Variants in PCDH15 observed in about 807,000 individuals in gnomAD.
PCDH15 encodes the protein protocadherin related 15, also known as protocadherin-15.
Under a neutral mutation model 178.5 loss-of-function variants are expected in PCDH15, and 129 were observed. The ratio of observed to expected loss-of-function variants is 0.72; its 90% CI spans 0.63 to 0.84. The LOEUF is 0.84. PCDH15 is among the 40% of genes least tolerant of loss of function. The probability of loss-of-function intolerance (pLI) is 0.00; values close to 1 mark genes in which losing one functional copy is unlikely to be tolerated. For missense variants in PCDH15, 2,230 were observed against 2,099.9 expected, an observed-to-expected ratio of 1.06 and a Z score of -1.21; for synonymous variants, 800 against 732.0, an observed-to-expected ratio of 1.09 and a Z score of -1.50.
At chr10:55,508,960 A>G (rs560228214) in intron 2 of PCDH15, among the ~76,000 whole-genome samples, 1 of 151,914 alleles carries the variant, frequency 6.6e-6, no homozygotes, top group South Asian at 2.1e-4. Context: ...AAAGCAAAAC[A>G]AAACAAAACA....
At chr10:54,957,744 A>G (rs536352648) in intron 2 of PCDH15, among the ~76,000 whole-genome samples, 10 of 151,744 alleles carry the variant, frequency 6.6e-5, no homozygotes, top group Admixed American at 4.6e-4. Flanking sequence ...ATCAGAAGCC[A>G]TTTTAAGCTT....
At position 54,738,785 on chromosome 10, in the gene PCDH15, T is replaced by C. The variant is rs189726353; in HGVS notation, c.-29+62140A>G. On this transcript the variant is annotated intron_variant, in intron 1 of 37. Coordinates refer to ENST00000644397, the MANE Select transcript of PCDH15 (RefSeq NM_001384140.1). ...AATAAACATGATACATCATAACATA[T>C]GATCATTTCAATAGATGCTGAAAAG... 5.9e-5 allele frequency among the ~76,000 whole-genome samples: 9 copies of C among 152,164 alleles called. No individual in the cohort carries two copies. In the East Asian group the frequency reaches 1.4e-3, roughly 23 times the overall value.
chr10:53,808,045 G>A (rs923184660), intron 37 of PCDH15: 1 of 151,240 alleles, frequency 6.6e-6, no homozygotes, highest in Non-Finnish European at 1.5e-5. Context: ...AAAATTTTAT[G>A]CCTGTTACAT....
intron 3 of PCDH15, among the ~76,000 whole-genome samples, chr10:54,827,509 A>T (rs946460986): frequency 1.3e-5 from 2 of 152,018 alleles, no homozygotes; most frequent in Admixed American, 6.6e-5. Flanking sequence ...TTTTAATTTT[A>T]ATTATTTTCA....
At chr10:54,305,211 A>G (rs1365848328) in intron 8 of PCDH15, among the ~76,000 whole-genome samples, 2 of 152,014 alleles carry the variant, frequency 1.3e-5, no homozygotes, top group Non-Finnish European at 2.9e-5. Flanking sequence ...CATGTCCTTC[A>G]TTATTTGTTT....
chr10:54,369,714 A>G (rs1947354330), intron 4 of PCDH15, among the ~76,000 whole-genome samples: 1 of 152,040 alleles, frequency 6.6e-6, no homozygotes, highest in African/African-American at 2.4e-5. Context: ...TTGCTGATCA[A>G]ATTAAAAATA....
intron 3 of PCDH15, among the ~76,000 whole-genome samples, chr10:54,872,214 TTTGC>T (rs1954051940): frequency 1.3e-5 from 2 of 151,986 alleles, no homozygotes; most frequent in African/African-American, 4.8e-5. Context: ...ATTATAAATG[TTTGC>T]TTCATATGGC....
chr10:55,349,513 C>A (rs957238556), intron 2 of PCDH15, among the ~76,000 whole-genome samples: 1 of 151,974 alleles, frequency 6.6e-6, no homozygotes, highest in Non-Finnish European at 1.5e-5. Context: ...ACCATGGATA[C>A]ATCAATAGAT....
At chr10:53,832,965 T>A (rs1424306056) in intron 29 of PCDH15, among the ~76,000 whole-genome samples, 1 of 152,010 alleles carries the variant, frequency 6.6e-6, no homozygotes, top group African/African-American at 2.4e-5. Flanking sequence ...CTTTTATAGA[T>A]TAAAAATGTA....
intron 8 of PCDH15, among the ~76,000 whole-genome samples, chr10:54,279,721 A>T (rs1216909860): frequency 6.6e-6 from 1 of 151,710 alleles, no homozygotes; most frequent in East Asian, 1.9e-4. Context: ...TGCCCTTCTT[A>T]AAGCAGTCTC....
In PCDH15 at chr10:55,032,710, C is replaced by T. The variant is rs180742557; in HGVS notation, c.-80+133866G>A. 1.3e-4 allele frequency among the ~76,000 whole-genome samples: 20 copies of T among 152,226 alleles called. No individual in the cohort carries two copies. The East Asian group carries it at 3.1e-3, about 24-fold the overall frequency. ...AGATAAGGAGACTAGTTTGGATAGA[C>T]GGGTGCCAGGTGCTATTCATCAAGA... On this transcript the variant is annotated intron_variant, in intron 2 of 5. Transcript: ENST00000458638.
chr10:54,962,520 T>C (rs779429809), intron 2 of PCDH15, among the ~76,000 whole-genome samples: 8 of 152,232 alleles, frequency 5.3e-5, no homozygotes, highest in Admixed American at 1.3e-4. Context: ...TGTGACACTT[T>C]TGGGGGCTCT....
At chr10:55,403,891 C>G (rs1354559527) in intron 2 of PCDH15, among the ~76,000 whole-genome samples, 2 of 151,948 alleles carry the variant, frequency 1.3e-5, no homozygotes, top group East Asian at 1.9e-4. Flanking sequence ...CAAGTACTTT[C>G]TGAGGTTAAA....
intron 13 of PCDH15, among the ~76,000 whole-genome samples, chr10:54,163,590 C>G (rs1182889812): frequency 1.3e-5 from 2 of 152,058 alleles, no homozygotes; most frequent in South Asian, 2.1e-4. Flanking sequence ...GGTGGGGACA[C>G]AGAGCCAAAC....
At chr10:54,579,666 C>A (rs1235307160) in intron 2 of PCDH15, among the ~76,000 whole-genome samples, 1 of 152,020 alleles carries the variant, frequency 6.6e-6, no homozygotes, top group Non-Finnish European at 1.5e-5. Context: ...TACCCATCAA[C>A]CACAGAATAT....
chr10:54,334,899 C>G (rs990205), intron 6 of PCDH15, among the ~76,000 whole-genome samples: 108,717 of 152,024 alleles, frequency 0.72, 39,693 homozygotes, highest in Middle Eastern at 0.82. Context: ...TTTTTCTGTA[C>G]CTCTCTCTTC....
chr10:55,485,404 G>A (rs567758496), intron 2 of PCDH15, among the ~76,000 whole-genome samples: 23 of 151,720 alleles, frequency 1.5e-4, no homozygotes, highest in Admixed American at 2.6e-4. Context: ...GCATAAATGG[G>A]TTAAAAACAT....
At chr10:54,469,397 C>A (rs374030105) in intron 3 of PCDH15, among the ~76,000 whole-genome samples, 1 of 152,152 alleles carries the variant, frequency 6.6e-6, no homozygotes, top group Admixed American at 6.6e-5. Flanking sequence ...ATGCTGCCCC[C>A]ATCCCTGCCT....
At chr10:55,508,569 A>G (rs1840811725) in intron 2 of PCDH15, among the ~76,000 whole-genome samples, 1 of 151,910 alleles carries the variant, frequency 6.6e-6, no homozygotes, top group Non-Finnish European at 1.5e-5. Context: ...GATTAACCAT[A>G]CACATAACTT....
Sources: gnomAD v4.1 joint callset for allele counts (sites outside exome capture counted in the v4.1 genomes callset) on GRCh38, gnomAD v4.1.1 for gene constraint, MANE v1.5 for transcripts, NCBI Gene and HGNC (gene_info 2026-07-23, HGNC 2026-07-21) for gene names.